Variants in CTNNA3 observed in about 807,000 individuals in gnomAD.
CTNNA3 encodes catenin alpha 3.
Under a neutral mutation model 95.7 loss-of-function variants are expected in CTNNA3, and 76 were observed. The observed-to-expected ratio is 0.79, with a 90% CI of 0.66 to 0.96. The LOEUF (loss-of-function observed/expected upper bound fraction) is 0.96. Among genes scored for constraint, CTNNA3 ranks in the 40% least tolerant of loss-of-function variants. The probability of loss-of-function intolerance (pLI) is 0.00; values close to 1 mark genes in which losing one functional copy is unlikely to be tolerated. For missense variants in CTNNA3, 1,191 were observed against 1,089.8 expected (o/e 1.09, Z -1.31); for synonymous variants, 431 against 374.4 (o/e 1.15, Z -1.74).
At chr10:66,215,586 A>C (rs1250176390) in intron 13 of CTNNA3, among the ~76,000 whole-genome samples, 1 of 152,178 alleles carries the variant, frequency 6.6e-6, no homozygotes, top group Non-Finnish European at 1.5e-5. Flanking sequence ...AAAATTTATA[A>C]ATAGAACAAT....
intron 14 of CTNNA3, among the ~76,000 whole-genome samples, chr10:66,082,367 A>G (rs969699894): frequency 9.9e-5 from 15 of 152,146 alleles, no homozygotes; most frequent in Non-Finnish European, 1.9e-4. Flanking sequence ...GGAAAACATA[A>G]GACAAATTCA....
chr10:67,186,409 C>A (rs889707086), intron 6 of CTNNA3, among the ~76,000 whole-genome samples: 1 of 152,156 alleles, frequency 6.6e-6, no homozygotes, highest in Non-Finnish European at 1.5e-5. Context: ...ACATGCTTGA[C>A]TTTTAAGACT....
At chr10:67,301,492 A>G (rs1402109826) in intron 5 of CTNNA3, among the ~76,000 whole-genome samples, 2 of 152,176 alleles carry the variant, frequency 1.3e-5, no homozygotes, top group African/African-American at 4.8e-5. Context: ...CAGCAATCCC[A>G]CTACTGGGTA....
intron 9 of CTNNA3, among the ~76,000 whole-genome samples, chr10:66,736,281 G>A (rs1849137401): frequency 6.6e-6 from 1 of 151,872 alleles, no homozygotes; most frequent in African/African-American, 2.4e-5. Context: ...CGCCTCCCGG[G>A]TTCAAGCAAT....
intron 5 of CTNNA3, among the ~76,000 whole-genome samples, chr10:67,317,647 G>A (rs932365841): frequency 6.6e-6 from 1 of 151,994 alleles, no homozygotes; most frequent in Non-Finnish European, 1.5e-5. Flanking sequence ...GGATGGTGTC[G>A]ATCTCCTGAC....
chr10:65,997,327 G>A (rs1270819750), intron 15 of CTNNA3, among the ~76,000 whole-genome samples: 2 of 152,180 alleles, frequency 1.3e-5, no homozygotes, highest in Non-Finnish European at 1.5e-5. Context: ...CTGAAATGAC[G>A]TGATATCTGT....
intron 11 of CTNNA3, among the ~76,000 whole-genome samples, chr10:66,497,853 G>T (rs2131955372): frequency 6.6e-6 from 1 of 152,112 alleles, no homozygotes. Context: ...AAAATAGGGA[G>T]AAAATTAGAA....
At chr10:66,149,259 G>A (rs2084062433) in intron 13 of CTNNA3, among the ~76,000 whole-genome samples, 1 of 148,214 alleles carries the variant, frequency 6.7e-6, no homozygotes, top group Non-Finnish European at 1.5e-5. Flanking sequence ...TAACTGCATA[G>A]TTAGCCATAT....
chr10:66,886,045 C>T (rs1021184557), intron 7 of CTNNA3, among the ~76,000 whole-genome samples: 15 of 151,902 alleles, frequency 9.9e-5, no homozygotes, highest in African/African-American at 2.2e-4. Context: ...TCCTTACTGC[C>T]GCCATAACCT....
At chr10:66,628,651 T>A (rs181816399) in intron 9 of CTNNA3, among the ~76,000 whole-genome samples, 1 of 152,226 alleles carries the variant, frequency 6.6e-6, no homozygotes, top group East Asian at 1.9e-4. Flanking sequence ...AAATGGCAGT[T>A]CATAAAAGCT....
At chr10:66,185,288 C>T (rs189706339) in intron 13 of CTNNA3, among the ~76,000 whole-genome samples, 89 of 152,030 alleles carry the variant, frequency 5.9e-4, no homozygotes, top group African/African-American at 2.0e-3. Context: ...CCAGAGACAA[C>T]AGTAATCTAG....
intron 15 of CTNNA3, among the ~76,000 whole-genome samples, chr10:66,034,873 A>G (rs2079529277): frequency 1.3e-5 from 2 of 150,764 alleles, no homozygotes; most frequent in Admixed American, 1.3e-4. Context: ...TGCTTTCCAT[A>G]AACATTTAAT....
At chr10:67,116,466 A>G (rs530080604) in intron 7 of CTNNA3, among the ~76,000 whole-genome samples, 3 of 152,040 alleles carry the variant, frequency 2.0e-5, no homozygotes, top group South Asian at 2.1e-4. Context: ...ACCAACTTCA[A>G]TAAGAATCTT....
chr10:66,085,253 C>G (rs547762468), intron 14 of CTNNA3, among the ~76,000 whole-genome samples: 1 of 152,060 alleles, frequency 6.6e-6, no homozygotes, highest in African/African-American at 2.4e-5. Context: ...GTTAGTGATA[C>G]ATGATTCACT....
chr10:66,212,496 A>G (rs2088232918), intron 13 of CTNNA3, among the ~76,000 whole-genome samples: 1 of 152,192 alleles, frequency 6.6e-6, no homozygotes, highest in South Asian at 2.1e-4. Context: ...ATTTTGGCTA[A>G]TAAATATAAT....
chr10:67,612,398 G>A (rs1589488166), intron 2 of CTNNA3, among the ~76,000 whole-genome samples: 1 of 152,164 alleles, frequency 6.6e-6, no homozygotes, highest in East Asian at 1.9e-4. Flanking sequence ...CTTCCAAGAA[G>A]AGCCTTTAAG....
chr10:66,654,810 T>C (rs1038966431), intron 9 of CTNNA3, among the ~76,000 whole-genome samples: 8 of 152,094 alleles, frequency 5.3e-5, no homozygotes, highest in Non-Finnish European at 7.4e-5. Context: ...TGAGATGACA[T>C]GGATCCACCT....
chr10:67,342,099 C>CTTT (rs764381058), intron 5 of CTNNA3, among the ~76,000 whole-genome samples: 3,011 of 83,634 alleles, frequency 0.036, 392 homozygotes, highest in South Asian at 0.092. Flanking sequence ...TATTTTTCTT[C>CTTT]TTTTTTTTTT....
At chr10:66,385,950 T>C (rs2092886918) in intron 11 of CTNNA3, among the ~76,000 whole-genome samples, 1 of 152,134 alleles carries the variant, frequency 6.6e-6, no homozygotes, top group Non-Finnish European at 1.5e-5. Flanking sequence ...CTCACAATAA[T>C]AAGAGCTATT....
Sources: allele counts gnomAD v4.1 joint callset (sites outside exome capture counted in the v4.1 genomes callset), GRCh38; gene constraint gnomAD v4.1.1; transcripts MANE v1.5; gene names NCBI Gene and HGNC (gene_info 2026-07-23, HGNC 2026-07-21).